The following EPM2A variants were observed in gnomAD, a reference collection of about 807,000 sequenced individuals.
The protein encoded by EPM2A is EPM2A glucan phosphatase, laforin.
EPM2A carries 21 observed loss-of-function variants against 26.5 expected under a neutral mutation model. That is an observed-to-expected ratio of 0.79 (90% CI 0.56 to 1.14). The LOEUF is 1.14. Ranked by LOEUF, EPM2A falls within the 50% of genes most tolerant of loss-of-function variation. The probability of loss-of-function intolerance (pLI) is 0.00; values close to 1 mark genes in which losing one functional copy is unlikely to be tolerated. For missense variants in EPM2A, 458 were observed against 440.8 expected (o/e 1.04, Z -0.35); for synonymous variants, 217 against 177.6 (o/e 1.22, Z -1.76).
chr6:145,535,920 A>G (rs1271280321), intron 2 of EPM2A, among the ~76,000 whole-genome samples: 2 of 152,198 alleles, frequency 1.3e-5, no homozygotes, highest in Non-Finnish European at 2.9e-5. Context: ...CCCTGCTTTG[A>G]TGTGTTTAAG....
intron 2 of EPM2A, among the ~76,000 whole-genome samples, chr6:145,604,582 T>A (rs1781458396): frequency 6.6e-6 from 1 of 152,100 alleles, no homozygotes; most frequent in Non-Finnish European, 1.5e-5. Flanking sequence ...GTTTTCCCCA[T>A]AAATGAAAGC....
At chr6:145,641,971 C>A (rs1777117871) in intron 2 of EPM2A, among the ~76,000 whole-genome samples, 1 of 152,160 alleles carries the variant, frequency 6.6e-6, no homozygotes, top group South Asian at 2.1e-4. Flanking sequence ...GATGTAAGAG[C>A]ACAGTCTCTC....
intron 4 of EPM2A, among the ~76,000 whole-genome samples, chr6:145,451,302 C>G (rs1779192608): frequency 1.3e-5 from 2 of 151,852 alleles, no homozygotes; most frequent in South Asian, 4.2e-4. Context: ...TTCAAATGAC[C>G]AAAGCATGAT....
intron 4 of EPM2A, among the ~76,000 whole-genome samples, chr6:145,446,102 A>G (rs772965428): frequency 6.6e-6 from 1 of 152,214 alleles, no homozygotes; most frequent in Non-Finnish European, 1.5e-5. Flanking sequence ...TTACCCAGCC[A>G]TGTAAATAAG....
At chr6:145,389,094 T>C (rs1472213175) in intron 4 of EPM2A, among the ~76,000 whole-genome samples, 1 of 152,164 alleles carries the variant, frequency 6.6e-6, no homozygotes, top group African/African-American at 2.4e-5. Context: ...CACTAATTTC[T>C]TACAAAATAT....
At chr6:145,599,741 C>A (rs929505537) in intron 2 of EPM2A, among the ~76,000 whole-genome samples, 1 of 151,796 alleles carries the variant, frequency 6.6e-6, no homozygotes, top group Non-Finnish European at 1.5e-5. Flanking sequence ...TAATTAGAGT[C>A]CTTTGAGCAT....
intron 2 of EPM2A, among the ~76,000 whole-genome samples, chr6:145,573,170 T>C (rs1212724100): frequency 6.6e-6 from 1 of 152,246 alleles, no homozygotes; most frequent in Non-Finnish European, 1.5e-5. Context: ...ATCAATGTTA[T>C]GGACCAGTGT....
At chr6:145,731,018 G>C (rs1776457399) in intron 1 of EPM2A, among the ~76,000 whole-genome samples, 1 of 152,064 alleles carries the variant, frequency 6.6e-6, no homozygotes, top group Non-Finnish European at 1.5e-5. Context: ...ATAGGAGCTG[G>C]AGATTGGGTG....
chr6:145,395,520 AAAC>A (rs918049978), intron 4 of EPM2A, among the ~76,000 whole-genome samples: 18 of 152,060 alleles, frequency 1.2e-4, no homozygotes, highest in Admixed American at 3.3e-4. Context: ...TCTACTGAAA[AAAC>A]AACGAGAGCC....
intron 2 of EPM2A, among the ~76,000 whole-genome samples, chr6:145,597,289 A>T (rs982747594): frequency 6.6e-6 from 1 of 152,172 alleles, no homozygotes; most frequent in South Asian, 2.1e-4. Context: ...TGCAAAGGAG[A>T]TAAATTCTTA....
At chr6:145,676,430 C>T (rs892175220) in intron 2 of EPM2A, among the ~76,000 whole-genome samples, 3 of 151,834 alleles carry the variant, frequency 2.0e-5, no homozygotes, top group African/African-American at 7.3e-5. Flanking sequence ...AAGATCAGAG[C>T]AGAACTGAAG....
rs114548597 is a variant in EPM2A, at chr6:145,564,164, A to T, written c.341-61589T>A. ...TTAGTGCAGACGCAATTTAAAAAAAAATATTTTTAATCTGCAGTTGATTGA... is the reference window on the plus strand; with the variant it reads ...TTAGTGCAGACGCAATTTAAAAAAATATATTTTTAATCTGCAGTTGATTGA... On this transcript the variant is annotated intron_variant, in intron 2 of 3. Coordinates refer to the EPM2A transcript ENST00000450221. Among the ~76,000 whole-genome samples, 552 of 152,318 alleles carry T rather than the reference A, an allele frequency of 3.6e-3. 1 individual carries two copies. The highest frequency in any genetic ancestry group is 0.011 in the African/African-American group (443 of 41,564).
chr6:145,445,040 T>C (rs1779113145), intron 4 of EPM2A, among the ~76,000 whole-genome samples: 1 of 152,182 alleles, frequency 6.6e-6, no homozygotes, highest in South Asian at 2.1e-4. Context: ...TTCCCAGTGT[T>C]TACTAAGGTG....
intron 4 of EPM2A, among the ~76,000 whole-genome samples, chr6:145,428,082 T>G (rs1778875061): frequency 6.7e-6 from 1 of 150,088 alleles, no homozygotes; most frequent in Admixed American, 6.6e-5. Flanking sequence ...ATAGTTTTTT[T>G]TTTTTTTTTT....
chr6:145,393,362 T>A (rs1210574740), intron 4 of EPM2A, among the ~76,000 whole-genome samples: 1 of 151,824 alleles, frequency 6.6e-6, no homozygotes, highest in Non-Finnish European at 1.5e-5. Flanking sequence ...CATAAAAAAA[T>A]CACAGATTGT....
At chr6:145,696,982 C>T (rs1781625809) in intron 1 of EPM2A, among the ~76,000 whole-genome samples, 1 of 152,014 alleles carries the variant, frequency 6.6e-6, no homozygotes, top group Non-Finnish European at 1.5e-5. Flanking sequence ...GCCACACAGC[C>T]TAAGACAATT....
intron 2 of EPM2A, among the ~76,000 whole-genome samples, chr6:145,557,316 T>C (rs1423055857): frequency 6.6e-6 from 1 of 152,072 alleles, no homozygotes; most frequent in Admixed American, 6.6e-5. Flanking sequence ...ACTATTTGCA[T>C]GATAGTTACA....
intron 2 of EPM2A, among the ~76,000 whole-genome samples, chr6:145,503,998 A>T (rs1225033837): frequency 9.1e-6 from 1 of 110,112 alleles, no homozygotes; most frequent in Admixed American, 9.7e-5. Context: ...TGGGGAAAGG[A>T]TTCCCTATTT....
chr6:145,523,809 G>A (rs1193992752), intron 2 of EPM2A, among the ~76,000 whole-genome samples: 6 of 152,026 alleles, frequency 3.9e-5, no homozygotes, highest in Non-Finnish European at 7.4e-5. Context: ...CAGTTCAGGT[G>A]GCACATGTGC....
Sources: gnomAD v4.1 joint callset for allele counts (sites outside exome capture counted in the v4.1 genomes callset) on GRCh38, gnomAD v4.1.1 for gene constraint, MANE v1.5 for transcripts, NCBI Gene and HGNC (gene_info 2026-07-23, HGNC 2026-07-21) for gene names.